Variants in PREPL observed in about 807,000 individuals in gnomAD.
PREPL encodes the protein prolyl endopeptidase like.
A neutral mutation model predicts 70.6 loss-of-function variants in PREPL; 77 were observed. The observed-to-expected ratio is 1.09, with a 90% CI of 0.91 to 1.32. PREPL has a LOEUF of 1.32. PREPL is among the 40% of genes most tolerant of loss of function. The pLI is 0.00. For synonymous variants in PREPL, 315 were observed against 264.8 expected, an observed-to-expected ratio of 1.19 and a Z score of -1.84; for missense variants, 1,002 against 778.2, an observed-to-expected ratio of 1.29 and a Z score of -3.42.
chr2:44,334,139 T>A (rs1284308483), intron 7 of PREPL, among the ~76,000 whole-genome samples: 1 of 152,240 alleles, frequency 6.6e-6, no homozygotes, highest in African/African-American at 2.4e-5. Flanking sequence ...AAGTATTAAC[T>A]AACTCAAGGA....
In PREPL at chr2:44,346,239, T is replaced by A. The variant is rs188919219; in HGVS notation, c.75+29A>T. 1.8e-4 allele frequency: 280 copies of A among 1,549,634 alleles called. 1 individual carries two copies. The highest frequency in any genetic ancestry group is 1.3e-3 in the African/African-American group (92 of 72,704). On this transcript the variant is annotated intron_variant, in intron 2 of 13. Coordinates refer to ENST00000409411, the MANE Select transcript of PREPL (RefSeq NM_001171613.2). The stretch of plus-strand genomic sequence containing the variant: ...GCATCTTGATTGGTAATATCAAAAA[T>A]TTTTTTTTAAAGACATGAGATATCT...
chr2:44,339,209 C>G lies in PREPL; in HGVS notation c.640G>C (p.Val214Leu), dbSNP rs932155365. ...QKRIHGVLYY[V>L]EHRDDELYIL... is the part of the protein sequence containing the mutation. ...TATAATTCATCATCTCTGTGTTCAA[C>G]ATAGTAAAGGACCCCATGTATTCGC... The change falls in exon 6 of 14, where the codon GTT becomes CTT. Residue 214 changes from valine to leucine, a missense_variant. Val to Leu is a conservative substitution (Grantham distance 32, BLOSUM62 1). Transcript: ENST00000409411. 8 of 1,613,930 alleles carry G rather than the reference C, an allele frequency of 5.0e-6. No homozygotes were observed. The highest frequency in any genetic ancestry group is 5.9e-6 in the Non-Finnish European group (7 of 1,179,954).
In PREPL at chr2:44,329,060, A is replaced by T; in HGVS notation, c.1139T>A (p.Leu380Ter). 6.2e-7 allele frequency: 1 copy of T among 1,611,936 alleles called. No homozygotes were observed. The highest frequency in any genetic ancestry group is 8.5e-7 in the Non-Finnish European group (1 of 1,178,150). ...ATGTACCAAGAGAGGTTTCTTCTGC[A>T]AGTCCTCAGAGTCAGTTTTGTGGAA... The part of the protein sequence containing the change: ...TVFHKTDSED[L>*]QKKPLLVHVY... The change falls in exon 9 of 14, where the codon TTG (leucine) becomes TAG (stop). Residue 380 changes from leucine to a stop codon, truncating the protein, a stop_gained. Transcript: ENST00000409411. LOFTEE classifies it high-confidence loss of function.
At chr2:44,323,663 T>C (rs1433314560) in intron 10 of PREPL, among the ~76,000 whole-genome samples, 1 of 152,216 alleles carries the variant, frequency 6.6e-6, no homozygotes, top group Non-Finnish European at 1.5e-5. Context: ...TATTTATTTT[T>C]AGCTTAGTAC....
rs1339142538 is a variant in PREPL at position 44,318,073 on chromosome 2, A to C, written c.*3283T>G. The C allele has an allele frequency of 2.3e-6, 1 of 442,382 alleles. No homozygotes were observed. The highest frequency in any genetic ancestry group is 4.5e-6 in the Non-Finnish European group (1 of 222,102). 27.4% of individuals were successfully genotyped at this position (442,382 alleles called of 1,614,324 possible). On this transcript the variant is annotated 3_prime_UTR_variant, in exon 14 of 14. Transcript: ENST00000409411. ...GAAATATTTGCACATGTGCACAATA[A>C]TACTTAAAGGATCTCAACACTGTTT...
intron 1 of PREPL, among the ~76,000 whole-genome samples, chr2:44,351,678 C>T (rs1209375372): frequency 6.6e-6 from 1 of 152,182 alleles, no homozygotes; most frequent in African/African-American, 2.4e-5. Context: ...ATTCTACTTT[C>T]AACATATATT....
chr2:44,361,554 G>C (rs1677823194), upstream of PREPL: 1 of 155,162 alleles, frequency 6.4e-6, no homozygotes, highest in Non-Finnish European at 1.4e-5. Flanking sequence ...TTTGCAGCAC[G>C]CCAATCTACG....
chr2:44,338,633 C>A, intron 6 of PREPL, 97 bp from the exon 7 acceptor site: 1 of 1,001,146 alleles, frequency 1.0e-6, no homozygotes, highest in Admixed American at 2.7e-5. Flanking sequence ...TACTAGTCCT[C>A]ACTGTTTTAT....
intron 4 of PREPL, 40 bp downstream of exon 4, chr2:44,343,705 T>A: frequency 6.5e-7 from 1 of 1,549,206 alleles, no homozygotes. Flanking sequence ...GTGTTACCGT[T>A]GCCTTTCAAC....
Position 44,320,519 on chromosome 2 carries a change from C to T in PREPL, c.*837G>A. On this transcript the variant is annotated 3_prime_UTR_variant, in exon 14 of 14. Transcript: ENST00000409411. Reference sequence around the variant, plus strand: ...TTTTTCTGGACAAGGGAGAGGGACTCATCTTTGAACACAACACGAAGAATC... The same window carrying T: ...TTTTTCTGGACAAGGGAGAGGGACTTATCTTTGAACACAACACGAAGAATC... 6.2e-7 allele frequency: 1 copy of T among 1,614,086 alleles called. No homozygotes were observed. Among genetic ancestry groups the T allele is most frequent in the Non-Finnish European group, 8.5e-7 (1 of 1,179,942 alleles).
At chr2:44,341,060 A>G (rs1038501647) in intron 5 of PREPL, among the ~76,000 whole-genome samples, 1 of 152,064 alleles carries the variant, frequency 6.6e-6, no homozygotes, top group Non-Finnish European at 1.5e-5. Context: ...TATTTTACGT[A>G]ATCGAGACTG....
At chr2:44,339,677 A>T (rs1675004584) in intron 5 of PREPL, among the ~76,000 whole-genome samples, 1 of 152,240 alleles carries the variant, frequency 6.6e-6, no homozygotes, top group African/African-American at 2.4e-5. Flanking sequence ...TTTATTACAT[A>T]TCTATGCACC....
intron 5 of PREPL, among the ~76,000 whole-genome samples, chr2:44,341,725 A>G (rs7609482): frequency 0.074 from 11,189 of 151,748 alleles, 514 homozygotes; most frequent in South Asian, 0.13. Flanking sequence ...GCTTATTACA[A>G]AAAGAAAAAA....
intron 12 of PREPL, among the ~76,000 whole-genome samples, 173 bp from the exon 13 acceptor site, chr2:44,322,073 C>G (rs1425616067): frequency 6.6e-6 from 1 of 152,062 alleles, no homozygotes; most frequent in African/African-American, 2.4e-5. Flanking sequence ...CAACAGAAGA[C>G]AAACTTCTGA....
At chr2:44,339,416 C>T in intron 5 of PREPL, 53 bp from the exon 6 acceptor site, 1 of 1,594,294 alleles carries the variant, frequency 6.3e-7, no homozygotes, top group Non-Finnish European at 8.5e-7. Context: ...ATGCATGCTA[C>T]CTTGTTAAGG....
chr2:44,321,411 A>T lies in PREPL; in HGVS notation c.1862T>A (p.Leu621His), dbSNP rs551975130. The change falls in exon 14 of 14, where the codon CTT becomes CAT. Residue 621 changes from leucine to histidine, a missense_variant. By Grantham distance (99) the Leu-to-His change is moderately conservative. Coordinates refer to ENST00000409411, the MANE Select transcript of PREPL (RefSeq NM_001171613.2). ...GAAAACACTGGTGCTGTCAAGTCCA[A>T]GTTCCTCGTACAGGAATTTAATTTG... ...TAQIKFLYEE[L>H]GLDSTSVFED... 6.2e-7 allele frequency: 1 copy of T among 1,613,138 alleles called. No individual in the cohort carries two copies. The highest frequency in any genetic ancestry group is 1.1e-5 in the South Asian group (1 of 91,034).
At chr2:44,346,765 G>A (rs1293494434) in intron 1 of PREPL, among the ~76,000 whole-genome samples, 4 of 151,774 alleles carry the variant, frequency 2.6e-5, no homozygotes, top group African/African-American at 9.7e-5. Flanking sequence ...GGAAAATCAG[G>A]TAGAGAAAAA....
chr2:44,323,652 A>G (rs748739020), intron 10 of PREPL, among the ~76,000 whole-genome samples: 34 of 152,172 alleles, frequency 2.2e-4, no homozygotes, highest in African/African-American at 5.3e-4. Flanking sequence ...TAATTTCACA[A>G]TATTTATTTT....
upstream of PREPL, chr2:44,361,817 G>C (rs759421913): frequency 8.9e-7 from 1 of 1,127,136 alleles, no homozygotes; most frequent in African/African-American, 1.6e-5. Context: ...GTGCAATGGC[G>C]TGACAGCTCG....
Sources: allele counts gnomAD v4.1 joint callset (sites outside exome capture counted in the v4.1 genomes callset), GRCh38; gene constraint gnomAD v4.1.1; transcripts MANE v1.5; gene names NCBI Gene and HGNC (gene_info 2026-07-23, HGNC 2026-07-21).